GTF2H3: variants seen among roughly 807,000 people sequenced by gnomAD.
GTF2H3 encodes general transcription factor IIH subunit 3, also known as TFIIH basal transcription factor complex p34 subunit.
A neutral mutation model predicts 51.1 loss-of-function variants in GTF2H3; 42 were observed. That is an observed-to-expected ratio of 0.82 (90% confidence interval 0.64 to 1.06). The LOEUF (loss-of-function observed/expected upper bound fraction) is 1.06, where lower values mean the gene tolerates loss of function less well. Ranked by LOEUF, GTF2H3 falls within the 50% of genes least tolerant of loss-of-function variation. GTF2H3 has a pLI of 0.00. For synonymous variants in GTF2H3, 123 were observed against 123.8 expected, an observed-to-expected ratio of 0.99 and a Z score of 0.04; for missense variants, 326 against 366.1, an observed-to-expected ratio of 0.89 and a Z score of 0.89.
intron 2 of GTF2H3, chr12:123,639,856 T>C (rs1566223892): frequency 1.4e-5 from 6 of 416,908 alleles, no homozygotes; most frequent in South Asian, 8.4e-5. Context: ...CCTAAGCAGA[T>C]TGCAGGTTTT....
At position 123,660,224 on chromosome 12, in the gene GTF2H3, G is replaced by A; in HGVS notation, c.916G>A (p.Val306Met). 1 of 1,608,328 alleles carries A rather than the reference G, an allele frequency of 6.2e-7. No individual in the cohort carries two copies. The highest frequency in any genetic ancestry group is 8.5e-7 in the Non-Finnish European group (1 of 1,177,010). The change falls in exon 13 of 13, where the codon GTG becomes ATG. Residue 306 changes from valine (V) to methionine (M), a missense_variant. Coordinates refer to ENST00000543341, the MANE Select transcript of GTF2H3 (RefSeq NM_001516.5). Reference protein sequence around the residue: ...VLKAKKKKLKVSA With the variant: ...VLKAKKKKLKMSA ...GAAAGCCAAGAAAAAGAAACTGAAA[G>A]TGTCTGCCTGAGGATAAAATATTTT...
chr12:123,645,818 G>A (rs1955438514), intron 3 of GTF2H3, among the ~76,000 whole-genome samples: 1 of 152,184 alleles, frequency 6.6e-6, no homozygotes, highest in South Asian at 2.1e-4. Context: ...TAGGCAAAAA[G>A]GGAAAGAGAG....
chr12:123,638,719 C>T (rs554333022), intron 1 of GTF2H3, among the ~76,000 whole-genome samples: 16 of 148,942 alleles, frequency 1.1e-4, no homozygotes, highest in Non-Finnish European at 2.1e-4. Context: ...ACAGAGTTTA[C>T]ATTTAGTGCA....
At chr12:123,645,835 A>G (rs186678000) in intron 3 of GTF2H3, among the ~76,000 whole-genome samples, 1 of 152,292 alleles carries the variant, frequency 6.6e-6, no homozygotes, top group African/African-American at 2.4e-5. Flanking sequence ...AGAGCTATCA[A>G]ATCGGACAGC....
chr12:123,650,686 T>C (rs183102904), intron 4 of GTF2H3, among the ~76,000 whole-genome samples: 1 of 152,214 alleles, frequency 6.6e-6, no homozygotes, highest in Non-Finnish European at 1.5e-5. Flanking sequence ...TCGCCAGAAC[T>C]TTTTCATCTT....
At chr12:123,658,231 AT>A (rs1037496783) in intron 9 of GTF2H3, among the ~76,000 whole-genome samples, 7 of 149,982 alleles carry the variant, frequency 4.7e-5, no homozygotes, top group Middle Eastern at 3.2e-3. Flanking sequence ...TAATTTTTTA[AT>A]TTTTTGAGAC....
intron 2 of GTF2H3, among the ~76,000 whole-genome samples, chr12:123,642,423 C>T (rs1473839573): frequency 6.6e-6 from 1 of 152,158 alleles, no homozygotes; most frequent in Non-Finnish European, 1.5e-5. Context: ...CCCACCTCAG[C>T]CTCCCAAAGT....
In GTF2H3 at chr12:123,651,010, A is replaced by C. The variant is rs1249579727; in HGVS notation, c.381A>C (p.Gln127His). 3.1e-6 allele frequency: 5 copies of C among 1,612,888 alleles called. No homozygotes were observed. Among genetic ancestry groups the C allele is most frequent in the Non-Finnish European group, 4.2e-6 (5 of 1,178,900 alleles). The change falls in exon 5 of 13, where the codon CAA becomes CAC. Residue 127 changes from glutamine to histidine, a missense_variant. Coordinates refer to ENST00000543341, the MANE Select transcript of GTF2H3 (RefSeq NM_001516.5). Reference sequence around the variant, plus strand: ...TATTTGCAGGTGACATAAAGGGTCAACATACAGAAACTTTGCTGGCAGGAT... The same window carrying C: ...TATTTGCAGGTGACATAAAGGGTCACCATACAGAAACTTTGCTGGCAGGAT... The part of the protein sequence containing the change: ...DLMTKSDIKG[Q>H]HTETLLAGSL...
chr12:123,640,676 C>G (rs1955357886), intron 2 of GTF2H3, among the ~76,000 whole-genome samples: 1 of 152,104 alleles, frequency 6.6e-6, no homozygotes, highest in Non-Finnish European at 1.5e-5. Flanking sequence ...CTGTTTTCCA[C>G]TTTTAAATGG....
At chr12:123,645,173 C>T (rs1593800516) in intron 2 of GTF2H3, among the ~76,000 whole-genome samples, 1 of 152,168 alleles carries the variant, frequency 6.6e-6, no homozygotes, top group Non-Finnish European at 1.5e-5. Flanking sequence ...AGGGCTTAAG[C>T]GATCCTGCCA....
rs928827957 is a variant in GTF2H3 at position 123,661,318 on chromosome 12, T to A, written c.*1083T>A. Reference sequence around the variant, plus strand: ...ATATTTGTACAAAGAGTTTAAGGAATGGTGGCTGGTTTGGTTTGTTTTTTA... The same window carrying A: ...ATATTTGTACAAAGAGTTTAAGGAAAGGTGGCTGGTTTGGTTTGTTTTTTA... On this transcript the variant is annotated 3_prime_UTR_variant, in exon 13 of 13. Transcript: ENST00000543341. 1 of 152,062 alleles carries A rather than the reference T, an allele frequency of 6.6e-6. No homozygotes were observed. Among genetic ancestry groups the A allele is most frequent in the Non-Finnish European group, 1.5e-5 (1 of 68,022 alleles). 9.4% of individuals were successfully genotyped at this position (152,062 alleles called of 1,614,324 possible).
Position 123,633,840 on chromosome 12 carries a change from G to A in GTF2H3, c.-20G>A, listed in dbSNP as rs1205816136. The A allele has an allele frequency of 6.2e-7, 1 of 1,612,732 alleles. No individual in the cohort carries two copies. The highest frequency in any genetic ancestry group is 1.1e-5 in the South Asian group (1 of 91,082). On this transcript the variant is annotated 5_prime_UTR_variant, in exon 1 of 13. Coordinates refer to ENST00000543341, the MANE Select transcript of GTF2H3 (RefSeq NM_001516.5). Reference sequence around the variant, plus strand: ...CTCCCCTGACCACCACTTGCTCTGCGCTGAGGTGCTGGGACAGCCATGGTT... The same window carrying A: ...CTCCCCTGACCACCACTTGCTCTGCACTGAGGTGCTGGGACAGCCATGGTT...
At chr12:123,648,587 G>A (rs1002604445) in intron 4 of GTF2H3, among the ~76,000 whole-genome samples, 7 of 151,870 alleles carry the variant, frequency 4.6e-5, no homozygotes, top group Admixed American at 3.3e-4. Flanking sequence ...CCATTTCAGC[G>A]TCCCACAGTC....
Position 123,659,904 on chromosome 12 carries a change from G to T in GTF2H3, c.794G>T (p.Gly265Val). 20 of 1,614,032 alleles carry T rather than the reference G, an allele frequency of 1.2e-5. No individual in the cohort carries two copies. Among genetic ancestry groups the T allele is most frequent in the Non-Finnish European group, 1.4e-5 (17 of 1,180,020 alleles). Residue 265 changes from glycine (G) to valine (V), a missense_variant, in exon 11 of 13, where the codon GGT becomes GTT. Gly to Val is a moderately radical substitution (Grantham distance 109). Transcript: ENST00000543341. ...TGTCATCGAAATCTCATTGAAATTG[G>T]TTATGTCTGTTCTGTGTGTTTGTCA... The part of the protein sequence containing the change: ...CFCHRNLIEI[G>V]YVCSVCLSIF...
intron 4 of GTF2H3, 115 bp downstream of exon 4, chr12:123,648,241 T>C: frequency 1.5e-6 from 1 of 666,484 alleles, no homozygotes; most frequent in South Asian, 2.3e-5. Flanking sequence ...GTTCTCACTT[T>C]TTAAAAATCA....
At chr12:123,641,510 G>A (rs1299162100) in intron 2 of GTF2H3, among the ~76,000 whole-genome samples, 1 of 150,234 alleles carries the variant, frequency 6.7e-6, no homozygotes, top group Non-Finnish European at 1.5e-5. Context: ...ACAGGCATGA[G>A]CCACGTGTCT....
intron 1 of GTF2H3, 59 bp downstream of exon 1, chr12:123,633,931 C>G (rs1020015345): frequency 6.3e-7 from 1 of 1,576,654 alleles, no homozygotes; most frequent in African/African-American, 1.3e-5. Flanking sequence ...GGTCCGGCTA[C>G]GACTGGCCAG....
chr12:123,659,818 T>G lies in GTF2H3; in HGVS notation c.708T>G (p.Asp236Glu). 6.2e-7 allele frequency: 1 copy of G among 1,613,380 alleles called. No individual in the cohort carries two copies. Among genetic ancestry groups the G allele is most frequent in the Non-Finnish European group, 8.5e-7 (1 of 1,179,646 alleles). ...YLLWVFLPDQ[D>E]QRSQLILPPP... ...AGTGGGTGTTTCTTCCCGATCAAGATCAGAGATCTCAGTTAATCCTCCCAC... is the reference window on the plus strand; with the variant it reads ...AGTGGGTGTTTCTTCCCGATCAAGAGCAGAGATCTCAGTTAATCCTCCCAC... The change falls in exon 11 of 13, where the codon GAT (aspartate) becomes GAG (glutamate). Residue 236 changes from aspartate to glutamate, a missense_variant. By Grantham distance (45) the Asp-to-Glu change is conservative. Coordinates refer to ENST00000543341, the MANE Select transcript of GTF2H3 (RefSeq NM_001516.5).
Position 123,651,549 on chromosome 12 carries a change from G to A in GTF2H3, c.427+493G>A, listed in dbSNP as rs1308839099. ...AGACAAGCTGTAAAGGCCGGGCGTG[G>A]TGGCTCATGCCTGTAATCCCAGCAC... On this transcript the variant is annotated intron_variant, in intron 5 of 12. Coordinates refer to ENST00000543341, the MANE Select transcript of GTF2H3 (RefSeq NM_001516.5). 2.0e-5 allele frequency among the ~76,000 whole-genome samples: 3 copies of A among 152,062 alleles called. No individual in the cohort carries two copies. The East Asian group carries it at 5.9e-4, about 30-fold the overall frequency.
Sources: allele counts gnomAD v4.1 joint callset (sites outside exome capture counted in the v4.1 genomes callset), GRCh38; gene constraint gnomAD v4.1.1; transcripts MANE v1.5; gene names NCBI Gene and HGNC (gene_info 2026-07-23, HGNC 2026-07-21).